The following KCNK3 variants were observed in gnomAD, a reference collection of about 807,000 sequenced individuals.
The protein encoded by KCNK3 is potassium channel subfamily K member 3.
In KCNK3, 9 loss-of-function variants were observed where a neutral mutation model predicts 27.3. The observed-to-expected ratio is 0.33, with a 90% CI of 0.20 to 0.57. KCNK3 has a LOEUF of 0.57. KCNK3 is among the 20% of genes least tolerant of loss of function. KCNK3 has a pLI of 0.87. For missense variants in KCNK3, 391 were observed against 577.7 expected, an observed-to-expected ratio of 0.68 and a Z score of 3.31; for synonymous variants, 278 against 273.8, an observed-to-expected ratio of 1.02 and a Z score of -0.15.
chr2:26,715,893 TTC>T (rs1663222566), intron 1 of KCNK3, among the ~76,000 whole-genome samples: 1 of 152,226 alleles, frequency 6.6e-6, no homozygotes, highest in Admixed American at 6.5e-5. Context: ...CCAGCTGACA[TTC>T]CCAGTGGCCT....
intron 1 of KCNK3, among the ~76,000 whole-genome samples, chr2:26,696,466 T>G (rs6741281): frequency 0.013 from 2,020 of 152,292 alleles, 55 homozygotes; most frequent in African/African-American, 0.046. Flanking sequence ...CAAGCCGTGC[T>G]TAGTGATGCC....
At chr2:26,725,921 A>C (rs550804425) in intron 1 of KCNK3, among the ~76,000 whole-genome samples, 5 of 152,272 alleles carry the variant, frequency 3.3e-5, no homozygotes, top group Admixed American at 1.3e-4. Flanking sequence ...ACTCATTATT[A>C]ATCACAGTGA....
intron 1 of KCNK3, among the ~76,000 whole-genome samples, chr2:26,696,306 C>T (rs1670234752): frequency 2.0e-5 from 3 of 152,206 alleles, no homozygotes; most frequent in Non-Finnish European, 4.4e-5. Flanking sequence ...GAAGCGGCTC[C>T]CCCAGTCACC....
At chr2:26,699,041 G>A (rs1387989106) in intron 1 of KCNK3, among the ~76,000 whole-genome samples, 1 of 152,040 alleles carries the variant, frequency 6.6e-6, no homozygotes, top group Non-Finnish European at 1.5e-5. Context: ...AGCCGGGCAT[G>A]GTAGCACACG....
rs2148267512 is a variant in KCNK3, at chr2:26,721,463, C to T, written c.284-6204C>T. 6.6e-6 allele frequency among the ~76,000 whole-genome samples: 1 copy of T among 152,318 alleles called. No homozygotes were observed. The highest frequency in any genetic ancestry group is 2.4e-5 in the African/African-American group (1 of 41,572). On this transcript the variant is annotated intron_variant, in intron 1 of 1. Transcript: ENST00000302909. The surrounding 1 kb of genome is among the most constrained non-coding windows in gnomAD (Gnocchi z 4.3). ...CTTCCGCCTCATCTCCTTTAACATG[C>T]CAATTAGGCTCCCTCAGAGCCTGCA...
rs565798523 is a variant in KCNK3, at chr2:26,721,339, C to T, written c.284-6328C>T. 1.3e-4 allele frequency among the ~76,000 whole-genome samples: 20 copies of T among 152,238 alleles called. No homozygotes were observed. Among genetic ancestry groups the T allele is most frequent in the African/African-American group, 4.3e-4 (18 of 41,530 alleles). ...AAGGCAGTGTCTGAGCTGCATCTCA[C>T]AGGAGGAGGGAGAGCACCTGCGCCC... On this transcript the variant is annotated intron_variant, in intron 1 of 1. Coordinates refer to ENST00000302909, the MANE Select transcript of KCNK3 (RefSeq NM_002246.3). This position sits in a 1 kb window ranked among gnomAD's most constrained non-coding sequence, Gnocchi z 4.3.
Position 26,703,633 on chromosome 2 carries a change from G to C in KCNK3, c.283+10475G>C, listed in dbSNP as rs148337864. 2.5e-3 allele frequency among the ~76,000 whole-genome samples: 382 copies of C among 152,282 alleles called. 2 individuals are homozygous for C. The highest frequency in any genetic ancestry group is 0.019 in the East Asian group (97 of 5,170). ...AACCAAAGATCATTTGAGATGTCCC[G>C]AAATCTCCTGTGTGCCAGGCACTAT... On this transcript the variant is annotated intron_variant, in intron 1 of 1. Transcript: ENST00000302909.
At chr2:26,706,732 G>C (rs1040223594) in intron 1 of KCNK3, among the ~76,000 whole-genome samples, 5 of 152,250 alleles carry the variant, frequency 3.3e-5, no homozygotes. Flanking sequence ...AGGCCCTGCT[G>C]TCCCCTGCCT....
At position 26,693,542 on chromosome 2, in the gene KCNK3, C is replaced by G. The variant is rs1167774733; in HGVS notation, c.283+384C>G. 1.3e-5 allele frequency among the ~76,000 whole-genome samples: 2 copies of G among 152,206 alleles called. No individual in the cohort carries two copies. Among genetic ancestry groups the G allele is most frequent in the Non-Finnish European group, 2.9e-5 (2 of 68,030 alleles). On this transcript the variant is annotated intron_variant, in intron 1 of 1. Coordinates refer to ENST00000302909, the MANE Select transcript of KCNK3 (RefSeq NM_002246.3). The surrounding 1 kb of genome is among the most constrained non-coding windows in gnomAD (Gnocchi z 5.5). ...GAGCGGCGGGAGAGCGCCAGTGCTC[C>G]GTATCCCTGAGGATCGGCTTCCACA...
intron 1 of KCNK3, among the ~76,000 whole-genome samples, chr2:26,699,361 C>A (rs1438867889): frequency 6.6e-6 from 1 of 152,090 alleles, no homozygotes; most frequent in Non-Finnish European, 1.5e-5. Context: ...CGTTTCCACG[C>A]ATTACCGTTA....
At chr2:26,711,970 G>A (rs188487999) in intron 1 of KCNK3, among the ~76,000 whole-genome samples, 1 of 152,210 alleles carries the variant, frequency 6.6e-6, no homozygotes, top group African/African-American at 2.4e-5. Flanking sequence ...GGAGCTCTTG[G>A]CACCATAAAA....
At position 26,728,522 on chromosome 2, in the gene KCNK3, G is replaced by C; in HGVS notation, c.1139G>C (p.Ser380Thr). 1 of 1,483,388 alleles carries C rather than the reference G, an allele frequency of 6.7e-7. No individual in the cohort carries two copies. Among genetic ancestry groups the C allele is most frequent in the Non-Finnish European group, 9.0e-7 (1 of 1,115,546 alleles). 91.9% of individuals were successfully genotyped at this position (1,483,388 alleles called of 1,614,324 possible). Residue 380 changes from serine (S) to threonine (T), a missense_variant, in exon 2 of 2, where the codon AGC becomes ACC. Around this residue, in one of 4 missense-constraint regions of KCNK3, gnomAD observed 192 missense variants for 196.0 expected, o/e 0.98. Transcript: ENST00000302909. ...AISSVSTGLHSLSTFRGLMKR... is the reference protein window; with the variant it reads ...AISSVSTGLHTLSTFRGLMKR... ...AGCTCGGTGTCCACGGGTCTGCACA[G>C]CCTGTCCACCTTCCGCGGCCTCATG...
intron 1 of KCNK3, among the ~76,000 whole-genome samples, chr2:26,720,477 C>G (rs1473288128): frequency 6.6e-6 from 1 of 152,196 alleles, no homozygotes; most frequent in Non-Finnish European, 1.5e-5. Flanking sequence ...CTGACCTTGG[C>G]TGCCGCAGGG....
chr2:26,719,175 T>A (rs1663282891), intron 1 of KCNK3, among the ~76,000 whole-genome samples: 1 of 152,178 alleles, frequency 6.6e-6, no homozygotes, highest in Non-Finnish European at 1.5e-5. Flanking sequence ...TTTGTTCTGA[T>A]CTCTGGTTAT....
At chr2:26,727,567 A>T (rs1312733837) in intron 1 of KCNK3, 100 bp from the exon 2 acceptor site, 2 of 1,471,264 alleles carry the variant, frequency 1.4e-6, no homozygotes, top group Non-Finnish European at 1.8e-6. Context: ...CAGACCCACA[A>T]GGTGGGGGAG....
At chr2:26,716,484 T>C (rs1049708648) in intron 1 of KCNK3, among the ~76,000 whole-genome samples, 1 of 152,120 alleles carries the variant, frequency 6.6e-6, no homozygotes, top group African/African-American at 2.4e-5. Flanking sequence ...CCTGGAGCAC[T>C]GATTTGTTTA....
rs151135103 is a variant in KCNK3, at chr2:26,705,617, G to A, written c.283+12459G>A. ...CAGTGGCAGAAAATAGGTCATTCCC[G>A]TAGTAGGGATATTAGAGATGTCACA... On this transcript the variant is annotated intron_variant, in intron 1 of 1. Coordinates refer to ENST00000302909, the MANE Select transcript of KCNK3 (RefSeq NM_002246.3). Among the ~76,000 whole-genome samples, 16 of 152,210 alleles carry A rather than the reference G, an allele frequency of 1.1e-4. No individual in the cohort carries two copies. The South Asian group carries it at 1.2e-3, about 12-fold the overall frequency.
At chr2:26,710,417 C>T (rs2148261500) in intron 1 of KCNK3, among the ~76,000 whole-genome samples, 1 of 152,270 alleles carries the variant, frequency 6.6e-6, no homozygotes, top group East Asian at 1.9e-4. Flanking sequence ...AGCAGTGGGC[C>T]CAAGTCCTAA....
chr2:26,693,593 C>T lies in KCNK3; in HGVS notation c.283+435C>T, dbSNP rs1269329625. On this transcript the variant is annotated intron_variant, in intron 1 of 1. Transcript: ENST00000302909. This position sits in a 1 kb window ranked among gnomAD's most constrained non-coding sequence, Gnocchi z 5.5. ...GCCTAGCAGGTCTACACCTGCTGGG[C>T]TCTGGGGAGGCATGAGGATGTCGGA... Among the ~76,000 whole-genome samples, 2 of 152,176 alleles carry T rather than the reference C, an allele frequency of 1.3e-5. No individual in the cohort carries two copies. Among genetic ancestry groups the T allele is most frequent in the African/African-American group, 4.8e-5 (2 of 41,454 alleles).
Sources: allele counts gnomAD v4.1 joint callset (sites outside exome capture counted in the v4.1 genomes callset), GRCh38; gene constraint gnomAD v4.1.1; regional missense constraint gnomAD v4.1.1; non-coding constraint Gnocchi (gnomAD v3.1); transcripts MANE v1.5; gene names NCBI Gene and HGNC (gene_info 2026-07-23, HGNC 2026-07-21).